The following FAM13B variants were observed in gnomAD, a reference collection of about 807,000 sequenced individuals.
FAM13B encodes the protein family with sequence similarity 13 member B.
Under a neutral mutation model 117.3 loss-of-function variants are expected in FAM13B, and 60 were observed. That is an observed-to-expected ratio of 0.51 (90% CI 0.42 to 0.63). The LOEUF (loss-of-function observed/expected upper bound fraction) is 0.63, where lower values mean the gene tolerates loss of function less well. Among genes scored for constraint, FAM13B ranks in the 30% least tolerant of loss-of-function variants. The pLI, the probability that FAM13B is intolerant of heterozygous loss-of-function variation, is 0.00. For synonymous variants in FAM13B, 332 were observed against 356.1 expected, an observed-to-expected ratio of 0.93 and a Z score of 0.76; for missense variants, 972 against 1,091.9, an observed-to-expected ratio of 0.89 and a Z score of 1.55.
chr5:138,008,244 C>T (rs1783029857), intron 6 of FAM13B, among the ~76,000 whole-genome samples: 1 of 152,076 alleles, frequency 6.6e-6, no homozygotes, highest in African/African-American at 2.4e-5. Flanking sequence ...AGTTCCAGAC[C>T]AGCCTGGGCA....
rs370903227 is a variant in FAM13B at position 138,051,021 on chromosome 5, TG to T, written c.-203+856del. ...AAGAAAAGCATATGTAGCATATTAG[TG>T]GGGGGGGGAGAATGAAAAGCAAAAC... On this transcript the variant is annotated intron_variant, in intron 1 of 3. Transcript: ENST00000502471. 3.9e-3 allele frequency among the ~76,000 whole-genome samples: 581 copies of T among 150,354 alleles called. 2 individuals are homozygous for T. Among genetic ancestry groups the T allele is most frequent in the Middle Eastern group, 0.027 (8 of 292 alleles).
At chr5:137,980,677 C>A (rs1561489262) in intron 10 of FAM13B, among the ~76,000 whole-genome samples, 1 of 152,020 alleles carries the variant, frequency 6.6e-6, no homozygotes, top group East Asian at 1.9e-4. Flanking sequence ...TGGGCTCAAG[C>A]GATCCACCTG....
chr5:137,940,377 T>C, intron 23 of FAM13B, 29 bp from the exon 24 acceptor site: 1 of 1,528,648 alleles, frequency 6.5e-7, no homozygotes, highest in South Asian at 1.2e-5. Context: ...TTTGTAATGT[T>C]CTAGAGATCA....
intron 17 of FAM13B, among the ~76,000 whole-genome samples, chr5:137,949,582 C>A (rs1764357323): frequency 6.6e-6 from 1 of 152,182 alleles, no homozygotes; most frequent in Admixed American, 6.5e-5. Context: ...GAGTTCGAGA[C>A]CAGCCTGGTC....
At chr5:137,940,801 T>G (rs930248999) in intron 23 of FAM13B, among the ~76,000 whole-genome samples, 1 of 152,186 alleles carries the variant, frequency 6.6e-6, no homozygotes, top group Admixed American at 6.5e-5. Flanking sequence ...TGCAATTCAG[T>G]TTAATCGCTA....
intron 10 of FAM13B, among the ~76,000 whole-genome samples, chr5:137,966,522 GAGGGAA>G (rs1769996878): frequency 1.4e-5 from 2 of 140,940 alleles, no homozygotes; most frequent in African/African-American, 2.6e-5. Context: ...GAGAGAGAGA[GAGGGAA>G]AGAGAGAGAG....
At chr5:138,042,870 C>A (rs1791536813) in intron 1 of FAM13B, among the ~76,000 whole-genome samples, 1 of 152,040 alleles carries the variant, frequency 6.6e-6, no homozygotes. Flanking sequence ...GGAGGGTGGA[C>A]CACCTGAAGC....
At chr5:137,981,729 T>A (rs984745987) in intron 10 of FAM13B, among the ~76,000 whole-genome samples, 8 of 150,578 alleles carry the variant, frequency 5.3e-5, no homozygotes, top group African/African-American at 1.7e-4. Context: ...GAGGCTGTAC[T>A]GTGCCGAGAC....
In FAM13B at chr5:137,940,430, C is replaced by T. The variant is rs577887036; in HGVS notation, c.2691-82G>A. On this transcript the variant is annotated intron_variant, in intron 23 of 23. Coordinates refer to ENST00000689681, the MANE Select transcript of FAM13B (RefSeq NM_001385994.1). ...AAAAGTTGTCTTAATATGAGACATA[C>T]TGTTACTAAACATAAGTTCAAATAA... 4 of 826,342 alleles carry T rather than the reference C, an allele frequency of 4.8e-6. No homozygotes were observed. In the East Asian group the frequency reaches 1.0e-4, roughly 21 times the overall value. 51.2% of individuals were successfully genotyped at this position (826,342 alleles called of 1,614,324 possible).
chr5:138,009,290 G>GA (rs2150871375), intron 6 of FAM13B, among the ~76,000 whole-genome samples: 1 of 152,280 alleles, frequency 6.6e-6, no homozygotes, highest in South Asian at 2.1e-4. Flanking sequence ...GAAAAGGACT[G>GA]AAAAATCACT....
intron 1 of FAM13B, among the ~76,000 whole-genome samples, chr5:138,043,776 C>G (rs918769339): frequency 1.2e-4 from 18 of 151,932 alleles, no homozygotes; most frequent in African/African-American, 4.1e-4. Context: ...GGATCTCTCT[C>G]TGTTGCCCAG....
chr5:138,032,624 C>T, intron 1 of FAM13B, 158 bp downstream of exon 1: 2 of 693,924 alleles, frequency 2.9e-6, no homozygotes, highest in Non-Finnish European at 3.6e-6. Context: ...GCCCTCTCCA[C>T]GGAACGCCCC....
intron 4 of FAM13B, 142 bp downstream of exon 4, chr5:138,018,160 T>C: frequency 5.4e-6 from 4 of 744,664 alleles, no homozygotes; most frequent in Non-Finnish European, 8.6e-6. Flanking sequence ...GACAAGATCA[T>C]ACAACCCCAA....
rs1462212883 is a variant in FAM13B, at chr5:137,938,502, A to G, written c.*1723T>C. On this transcript the variant is annotated 3_prime_UTR_variant, in exon 24 of 24. Coordinates refer to ENST00000689681, the MANE Select transcript of FAM13B (RefSeq NM_001385994.1). ...CATGATGGATTCAAATAAAAATGAT[A>G]CATCTTTTGGTATTTTCAATTTCAC... is the stretch of plus-strand genomic sequence containing the variant. 1.3e-5 allele frequency: 2 copies of G among 152,624 alleles called. No individual in the cohort carries two copies. The highest frequency in any genetic ancestry group is 2.9e-5 in the Non-Finnish European group (2 of 68,038). 9.5% of individuals were successfully genotyped at this position (152,624 alleles called of 1,614,324 possible). A position where few individuals can be genotyped will look rare whatever the true frequency, so the allele number is the denominator to read the frequency against.
chr5:138,030,925 C>G (rs988506317), intron 1 of FAM13B, among the ~76,000 whole-genome samples: 4 of 151,570 alleles, frequency 2.6e-5, no homozygotes, highest in Non-Finnish European at 5.9e-5. Context: ...CCTAGCTACT[C>G]GGGAGGCTAA....
intron 1 of FAM13B, among the ~76,000 whole-genome samples, chr5:138,025,737 CA>C: frequency 6.6e-6 from 1 of 152,090 alleles, no homozygotes; most frequent in Non-Finnish European, 1.5e-5. Flanking sequence ...CACTCCCCAT[CA>C]AAATTACAAT....
At chr5:137,968,899 G>T (rs574713559) in intron 10 of FAM13B, among the ~76,000 whole-genome samples, 4 of 152,170 alleles carry the variant, frequency 2.6e-5, no homozygotes, top group African/African-American at 4.8e-5. Flanking sequence ...ACGCTTTTCC[G>T]ACGGGCTTAA....
chr5:137,972,412 C>G (rs1297698712), intron 10 of FAM13B, among the ~76,000 whole-genome samples: 2 of 151,962 alleles, frequency 1.3e-5, no homozygotes, highest in African/African-American at 2.4e-5. Context: ...ATTCAACAAC[C>G]TTCATGCTAA....
intron 2 of FAM13B, 152 bp downstream of exon 2, chr5:138,020,879 G>C: frequency 2.3e-6 from 1 of 427,682 alleles, no homozygotes; most frequent in Non-Finnish European, 3.8e-6. Context: ...CATTTACATA[G>C]TCTCAGACAA....
Sources: gnomAD v4.1 joint callset for allele counts (sites outside exome capture counted in the v4.1 genomes callset) on GRCh38, gnomAD v4.1.1 for gene constraint, MANE v1.5 for transcripts, NCBI Gene and HGNC (gene_info 2026-07-23, HGNC 2026-07-21) for gene names.